Variants in PPARGC1A observed in about 807,000 individuals in gnomAD.
PPARGC1A encodes the protein peroxisome proliferator-activated receptor gamma coactivator 1-alpha.
PPARGC1A carries 25 observed loss-of-function variants against 88.7 expected under a neutral mutation model. The ratio of observed to expected loss-of-function variants is 0.28; its 90% CI spans 0.21 to 0.39. PPARGC1A has a LOEUF of 0.39. Ranked by LOEUF, PPARGC1A falls within the 10% of genes least tolerant of loss-of-function variation. PPARGC1A has a pLI of 1.00. For missense variants in PPARGC1A, 880 were observed against 968.7 expected (o/e 0.91, Z 1.22); for synonymous variants, 363 against 355.6 (o/e 1.02, Z -0.24).
chr4:24,008,998 C>T, the PPARGC1A span, among the ~76,000 whole-genome samples: 143 of 152,160 alleles, frequency 9.4e-4, no homozygotes, highest in Middle Eastern at 3.4e-3. Context: ...AACTCTCCCA[C>T]CATTTATCTT....
At position 23,874,263 on chromosome 4, in the gene PPARGC1A, A is replaced by C. The variant is rs1311281812; in HGVS notation, c.234+10489T>G. Among the ~76,000 whole-genome samples the C allele has an allele frequency of 2.0e-5, 3 of 152,168 alleles. No homozygotes were observed. The East Asian group carries it at 5.8e-4, about 29-fold the overall frequency. On this transcript the variant is annotated intron_variant, in intron 2 of 12. Transcript: ENST00000264867. The stretch of plus-strand genomic sequence containing the variant: ...TATTCAAAGTAACTCCAGAAGTGGC[A>C]ATTTATAGCTTGGTTGTTTGTGTTC...
chr4:24,432,212 G>A, the PPARGC1A span, among the ~76,000 whole-genome samples: 23 of 152,326 alleles, frequency 1.5e-4, 1 homozygote, highest in Admixed American at 1.3e-3. Flanking sequence ...AAGGGGTTAG[G>A]AAGTCCAGTA....
At chr4:24,054,438 C>T in the PPARGC1A span, among the ~76,000 whole-genome samples, 1 of 152,182 alleles carries the variant, frequency 6.6e-6, no homozygotes, top group East Asian at 1.9e-4. Context: ...GTTTATTCCA[C>T]TTGAAATTTT....
chr4:24,056,739 G>T, the PPARGC1A span, among the ~76,000 whole-genome samples: 2 of 152,052 alleles, frequency 1.3e-5, no homozygotes, highest in African/African-American at 4.8e-5. Context: ...GGCATATAGC[G>T]TACTTATCAT....
At chr4:24,410,785 A>G in the PPARGC1A span, among the ~76,000 whole-genome samples, 1 of 152,172 alleles carries the variant, frequency 6.6e-6, no homozygotes, top group Non-Finnish European at 1.5e-5. Flanking sequence ...TCAGACTCCA[A>G]GTTCTTCAGC....
At chr4:23,976,318 G>C in the PPARGC1A span, among the ~76,000 whole-genome samples, 1 of 152,156 alleles carries the variant, frequency 6.6e-6, no homozygotes. Flanking sequence ...CTGATCTCTG[G>C]GGAAAGACAT....
At chr4:24,237,565 C>T in the PPARGC1A span, among the ~76,000 whole-genome samples, 6 of 152,106 alleles carry the variant, frequency 3.9e-5, no homozygotes, top group Non-Finnish European at 7.4e-5. Context: ...GTTCGATACC[C>T]GTAATGGCCA....
At chr4:24,377,865 T>C in the PPARGC1A span, among the ~76,000 whole-genome samples, 1 of 152,182 alleles carries the variant, frequency 6.6e-6, no homozygotes, top group Non-Finnish European at 1.5e-5. Flanking sequence ...TGGAATATTG[T>C]TCACAGTTGC....
the PPARGC1A span, among the ~76,000 whole-genome samples, chr4:24,356,450 A>T: frequency 6.6e-6 from 1 of 152,134 alleles, no homozygotes; most frequent in Non-Finnish European, 1.5e-5. Flanking sequence ...CACTATATAC[A>T]CCTGTAAGTA....
the PPARGC1A span, among the ~76,000 whole-genome samples, chr4:24,167,962 G>A: frequency 2.6e-5 from 4 of 152,132 alleles, no homozygotes; most frequent in East Asian, 1.9e-4. Context: ...TCACCATGTT[G>A]CCCAAGCTGG....
the PPARGC1A span, among the ~76,000 whole-genome samples, chr4:23,970,411 A>C: frequency 1.3e-5 from 2 of 152,196 alleles, no homozygotes; most frequent in African/African-American, 4.8e-5. Context: ...CAGCCCTGCT[A>C]TTTTGCAACT....
At chr4:23,886,161 G>A (rs186693383) in intron 1 of PPARGC1A, among the ~76,000 whole-genome samples, 30 of 152,288 alleles carry the variant, frequency 2.0e-4, no homozygotes, top group East Asian at 1.9e-3. Flanking sequence ...ACACACTGAC[G>A]CAGCACCCTC....
At chr4:24,276,090 G>C in the PPARGC1A span, among the ~76,000 whole-genome samples, 2 of 152,176 alleles carry the variant, frequency 1.3e-5, no homozygotes, top group African/African-American at 4.8e-5. Context: ...GGAAGCAGAG[G>C]GAGGACTTAA....
the PPARGC1A span, among the ~76,000 whole-genome samples, chr4:24,227,848 A>G: frequency 6.6e-6 from 1 of 152,244 alleles, no homozygotes; most frequent in Non-Finnish European, 1.5e-5. Flanking sequence ...GTTGGGGCAC[A>G]AAATGGTGAT....
chr4:24,321,433 A>G, the PPARGC1A span, among the ~76,000 whole-genome samples: 1 of 152,176 alleles, frequency 6.6e-6, no homozygotes, highest in Non-Finnish European at 1.5e-5. Context: ...ATAACTGAAG[A>G]CAGGTTTTCC....
chr4:23,891,032 A>G (rs184763268), upstream of PPARGC1A, among the ~76,000 whole-genome samples: 3 of 152,286 alleles, frequency 2.0e-5, no homozygotes, highest in Admixed American at 2.0e-4. Flanking sequence ...GAACTGAGGG[A>G]AAAATACCAA....
At chr4:24,162,115 TG>T in the PPARGC1A span, among the ~76,000 whole-genome samples, 2 of 152,076 alleles carry the variant, frequency 1.3e-5, no homozygotes, top group South Asian at 4.2e-4. Flanking sequence ...AACTCAGGAA[TG>T]GAAAACCAAA....
At chr4:24,264,558 C>T in the PPARGC1A span, among the ~76,000 whole-genome samples, 1 of 152,248 alleles carries the variant, frequency 6.6e-6, no homozygotes, top group South Asian at 2.1e-4. Context: ...CTAAGTGCCC[C>T]AAGGCAAATT....
the PPARGC1A span, among the ~76,000 whole-genome samples, chr4:24,438,100 G>C: frequency 6.6e-6 from 1 of 152,178 alleles, no homozygotes; most frequent in Admixed American, 6.5e-5. Context: ...GATTGGACCA[G>C]GGGTCGCCAG....
Sources: allele counts gnomAD v4.1 joint callset (sites outside exome capture counted in the v4.1 genomes callset), GRCh38; gene constraint gnomAD v4.1.1; transcripts MANE v1.5; gene names NCBI Gene and HGNC (gene_info 2026-07-23, HGNC 2026-07-21).